The following AFAP1L1 variants were observed in gnomAD, a reference collection of about 807,000 sequenced individuals.
AFAP1L1 encodes actin filament-associated protein 1-like 1.
AFAP1L1 carries 77 observed loss-of-function variants against 99.8 expected under a neutral mutation model. That is an observed-to-expected ratio of 0.77 (90% CI 0.64 to 0.93). The LOEUF (loss-of-function observed/expected upper bound fraction) is 0.93, where lower values mean the gene tolerates loss of function less well. AFAP1L1 is among the 40% of genes least tolerant of loss of function. The pLI is 0.00. For missense variants in AFAP1L1, 893 were observed against 996.8 expected (o/e 0.90, Z 1.40); for synonymous variants, 373 against 395.3 (o/e 0.94, Z 0.67).
intron 18 of AFAP1L1, 99 bp downstream of exon 18, chr5:149,335,821 G>C (rs542679860): frequency 5.4e-6 from 8 of 1,493,842 alleles, no homozygotes; most frequent in Non-Finnish European, 6.3e-6. Context: ...GAGAAAGGTA[G>C]AGAATTGCCA....
At chr5:149,279,367 G>A (rs961388149) in intron 1 of AFAP1L1, among the ~76,000 whole-genome samples, 6 of 152,232 alleles carry the variant, frequency 3.9e-5, no homozygotes, top group African/African-American at 1.2e-4. Flanking sequence ...CCACGGAATG[G>A]CTTAGTATGT....
At position 149,332,857 on chromosome 5, in the gene AFAP1L1, G is replaced by T. The variant is rs763364661; in HGVS notation, c.2138G>T (p.Ser713Ile). 6.3e-7 allele frequency: 1 copy of T among 1,599,896 alleles called. No individual in the cohort carries two copies. The highest frequency in any genetic ancestry group is 2.2e-5 in the East Asian group (1 of 44,536). The change falls in exon 17 of 19, where the codon AGC becomes ATC. Residue 713 changes from serine (S) to isoleucine (I), a missense_variant. By Grantham distance (142) the Ser-to-Ile change is moderately radical. Coordinates refer to ENST00000296721, the MANE Select transcript of AFAP1L1 (RefSeq NM_152406.4). ...CCAGCCCTGGGGCTCTCCGTGAGCA[G>T]CAAGCCCAAGAGTGGGGTGAGTCCA... The part of the protein sequence containing the change: ...GGPALGLSVS[S>I]KPKSGETANK...
chr5:149,332,975 C>G lies in AFAP1L1; in HGVS notation c.2154+102C>G. 9 of 1,386,230 alleles carry G rather than the reference C, an allele frequency of 6.5e-6. No individual in the cohort carries two copies. The South Asian group carries it at 1.5e-4, about 23-fold the overall frequency. 85.9% of individuals were successfully genotyped at this position (1,386,230 alleles called of 1,614,324 possible). A position where few individuals can be genotyped will look rare whatever the true frequency, so the allele number is the denominator to read the frequency against. On this transcript the variant is annotated intron_variant, in intron 17 of 18. Transcript: ENST00000296721. ...CATTCTTTGGAGGTAGGGGTTATGC[C>G]CACTTACAGACAAGAAAACTGAAGT...
chr5:149,318,190 G>A (rs137980920), intron 12 of AFAP1L1, among the ~76,000 whole-genome samples: 2 of 152,200 alleles, frequency 1.3e-5, no homozygotes, highest in African/African-American at 4.8e-5. Context: ...CATGTCCCAC[G>A]CAACATTGGA....
intron 1 of AFAP1L1, among the ~76,000 whole-genome samples, 192 bp from the exon 2 acceptor site, chr5:149,299,317 C>G (rs1354153402): frequency 6.6e-6 from 1 of 152,166 alleles, no homozygotes; most frequent in Non-Finnish European, 1.5e-5. Flanking sequence ...CACCACAGGA[C>G]TAACTGAGCA....
At chr5:149,305,936 A>G (rs57290042) in intron 5 of AFAP1L1, among the ~76,000 whole-genome samples, 2,335 of 149,946 alleles carry the variant, frequency 0.016, 72 homozygotes, top group African/African-American at 0.056. Flanking sequence ...CACACATGCA[A>G]TGCTCTGGGG....
At chr5:149,324,205 C>G (rs535235068) in intron 15 of AFAP1L1, among the ~76,000 whole-genome samples, 2 of 152,198 alleles carry the variant, frequency 1.3e-5, no homozygotes, top group Non-Finnish European at 2.9e-5. Context: ...TAACAAAATC[C>G]CATAAGCTGG....
Position 149,329,700 on chromosome 5 carries a change from CGAG to C in AFAP1L1, c.1851_1853del (p.Glu617del). The stretch of plus-strand genomic sequence containing the variant: ...AATACAAGTATGGCAAGAACCGAGC[CGAG>C]GAGGATGCCCGGAGGTACTTGGTAG... On this transcript the variant is annotated inframe_deletion, in exon 16 of 19. Transcript: ENST00000296721. 6.2e-7 allele frequency: 1 copy of C among 1,613,948 alleles called. No homozygotes were observed. Among genetic ancestry groups the C allele is most frequent in the Non-Finnish European group, 8.5e-7 (1 of 1,179,974 alleles).
intron 5 of AFAP1L1, among the ~76,000 whole-genome samples, chr5:149,305,146 T>C (rs1756368299): frequency 1.3e-5 from 2 of 152,242 alleles, no homozygotes. Flanking sequence ...GCACATTGTG[T>C]GTGCCAGGCG....
chr5:149,284,246 C>T (rs352359), intron 1 of AFAP1L1, among the ~76,000 whole-genome samples: 1 of 152,040 alleles, frequency 6.6e-6, no homozygotes, highest in Non-Finnish European at 1.5e-5. Flanking sequence ...CCAGTCCTTA[C>T]AGGTTGTGCG....
chr5:149,322,175 G>T (rs1270981836), intron 14 of AFAP1L1, among the ~76,000 whole-genome samples: 2 of 152,164 alleles, frequency 1.3e-5, no homozygotes, highest in Non-Finnish European at 2.9e-5. Flanking sequence ...CAAATGTATA[G>T]TTAATCTATT....
intron 12 of AFAP1L1, 100 bp downstream of exon 12, chr5:149,318,040 G>C: frequency 7.4e-7 from 1 of 1,346,520 alleles, no homozygotes; most frequent in Non-Finnish European, 1.0e-6. Context: ...GACACCATGG[G>C]GACTGAAGGG....
At chr5:149,338,741 G>A (rs926954430) in intron 18 of AFAP1L1, among the ~76,000 whole-genome samples, 1 of 152,162 alleles carries the variant, frequency 6.6e-6, no homozygotes, top group Non-Finnish European at 1.5e-5. Flanking sequence ...ACGTCCCAAA[G>A]GGGCTTAAGC....
At chr5:149,312,077 G>T (rs1423122288) in intron 8 of AFAP1L1, 35 bp from the exon 9 acceptor site, 2 of 1,593,688 alleles carry the variant, frequency 1.3e-6, no homozygotes, top group Admixed American at 3.4e-5. Context: ...CAGCTTCCCT[G>T]CCCACCCGTT....
intron 1 of AFAP1L1, among the ~76,000 whole-genome samples, chr5:149,281,697 A>G (rs978098732): frequency 5.9e-5 from 9 of 151,832 alleles, no homozygotes; most frequent in African/African-American, 2.2e-4. Context: ...ATGCAGCCCA[A>G]CTCACCTCCA....
intron 12 of AFAP1L1, 109 bp from the exon 13 acceptor site, chr5:149,319,473 G>GGTAC: frequency 7.9e-7 from 1 of 1,269,232 alleles, no homozygotes; most frequent in Non-Finnish European, 1.1e-6. Flanking sequence ...CCGAGTATCG[G>GGTAC]GTACGTAGTC....
chr5:149,282,137 G>A (rs146349923), intron 1 of AFAP1L1, among the ~76,000 whole-genome samples: 27 of 152,302 alleles, frequency 1.8e-4, no homozygotes, highest in African/African-American at 4.6e-4. Flanking sequence ...CTGGCCTGGC[G>A]TGATTCTTCT....
Position 149,300,218 on chromosome 5 carries a change from G to A in AFAP1L1, c.146-53G>A, listed in dbSNP as rs1476853806. 6.5e-6 allele frequency: 9 copies of A among 1,383,416 alleles called. No homozygotes were observed. The East Asian group carries it at 1.9e-4, about 29-fold the overall frequency. The allele number at this position is 1,383,416 out of a possible 1,614,324, so 85.7% of individuals were successfully genotyped here. A position where few individuals can be genotyped will look rare whatever the true frequency, so the allele number is the denominator to read the frequency against. The stretch of plus-strand genomic sequence containing the variant: ...GGCTAGAAGTATGAGTGGGACGGGG[G>A]AGACCTGGTCCCTCCTCCTTCACAG... On this transcript the variant is annotated intron_variant, in intron 2 of 18. Transcript: ENST00000296721.
In AFAP1L1 at chr5:149,299,611, T is replaced by C; in HGVS notation, c.119T>C (p.Ile40Thr). ...TLEKKMAVAS[I>T]LQSLQPLPAK... is the part of the protein sequence containing the mutation. ...GAAAAGAAGATGGCCGTGGCCTCCA[T>C]CCTGCAGAGCCTGCAGCCCCTTCCA... The change falls in exon 2 of 19, where the codon ATC (isoleucine) becomes ACC (threonine). Residue 40 changes from isoleucine (I) to threonine (T), a missense_variant. Physicochemically the swap from Ile to Thr is moderately conservative, Grantham distance 89. Transcript: ENST00000296721. 25 of 1,614,104 alleles carry C rather than the reference T, an allele frequency of 1.5e-5. No individual in the cohort carries two copies. Among genetic ancestry groups the C allele is most frequent in the Non-Finnish European group, 2.1e-5 (25 of 1,179,992 alleles).
Sources: allele counts gnomAD v4.1 joint callset (sites outside exome capture counted in the v4.1 genomes callset), GRCh38; gene constraint gnomAD v4.1.1; transcripts MANE v1.5; gene names NCBI Gene and HGNC (gene_info 2026-07-23, HGNC 2026-07-21).